The following FCHSD2 variants were observed in gnomAD, a reference collection of about 807,000 sequenced individuals.
FCHSD2 encodes F-BAR and double SH3 domains protein 2.
Under a neutral mutation model 108.1 loss-of-function variants are expected in FCHSD2, and 38 were observed. The ratio of observed to expected loss-of-function variants is 0.35; its 90% CI spans 0.27 to 0.46. FCHSD2 has a LOEUF of 0.46. Ranked by LOEUF, FCHSD2 falls within the 20% of genes least tolerant of loss-of-function variation. The pLI is 1.00. For missense variants in FCHSD2, 751 were observed against 897.8 expected, an observed-to-expected ratio of 0.84 and a Z score of 2.09; for synonymous variants, 279 against 314.7, an observed-to-expected ratio of 0.89 and a Z score of 1.20.
chr11:73,068,965 T>C (rs1014968859), intron 3 of FCHSD2, among the ~76,000 whole-genome samples: 1 of 147,020 alleles, frequency 6.8e-6, no homozygotes, highest in African/African-American at 2.5e-5. Flanking sequence ...CAGTGAGTCA[T>C]GACTTCGCCA....
chr11:72,992,889 A>C lies in FCHSD2; in HGVS notation c.388-3792T>G, dbSNP rs1339735536. ...TAAAACACGAAAAGCAATGGCAACAAAAGCCAAAATTGACAAATAGGATCT... is the reference window on the plus strand; with the variant it reads ...TAAAACACGAAAAGCAATGGCAACACAAGCCAAAATTGACAAATAGGATCT... On this transcript the variant is annotated intron_variant, in intron 5 of 19. Coordinates refer to ENST00000409418, the MANE Select transcript of FCHSD2 (RefSeq NM_014824.3). 2.0e-5 allele frequency among the ~76,000 whole-genome samples: 3 copies of C among 152,264 alleles called. No homozygotes were observed. In the South Asian group the frequency reaches 6.2e-4, roughly 32 times the overall value.
At chr11:72,946,044 G>A (rs1317419519) in intron 8 of FCHSD2, among the ~76,000 whole-genome samples, 6 of 152,222 alleles carry the variant, frequency 3.9e-5, no homozygotes, top group South Asian at 2.1e-4. Context: ...TTCCATTACC[G>A]AGTATATACT....
In FCHSD2 at chr11:72,902,561, C is replaced by A. The variant is rs76555174; in HGVS notation, c.906G>T (p.Gln302His). 1.9e-6 allele frequency: 3 copies of A among 1,584,078 alleles called. No homozygotes were observed. Among genetic ancestry groups the A allele is most frequent in the Non-Finnish European group, 2.6e-6 (3 of 1,163,910 alleles). The change falls in exon 10 of 20, where the codon CAG (glutamine) becomes CAT (histidine). Residue 302 changes from glutamine (Q) to histidine (H), a missense_variant. Transcript: ENST00000409418. ...VFHKPQPFQF[Q>H]PCDSDTSRQL... is the part of the protein sequence containing the mutation. ...CCCTTACAGTATCACTGTCACAAGGCTGGAACTGGAAGGGCTGGGGTTTGT... is the reference window on the plus strand; with the variant it reads ...CCCTTACAGTATCACTGTCACAAGGATGGAACTGGAAGGGCTGGGGTTTGT...
Position 73,142,108 on chromosome 11 carries a change from G to T in FCHSD2, c.-231C>A. ...AGCACCGGGAAGGCTTGGGGCCCGG[G>T]CGGCCCGGGCGGCCCGGGGGTGTGT... is the stretch of plus-strand genomic sequence containing the variant. On this transcript the variant is annotated 5_prime_UTR_variant, in exon 1 of 20. Transcript: ENST00000409418. 1 of 430,378 alleles carries T rather than the reference G, an allele frequency of 2.3e-6. No homozygotes were observed. The highest frequency in any genetic ancestry group is 4.1e-6 in the Non-Finnish European group (1 of 241,298). The allele number at this position is 430,378 out of a possible 1,614,324, so 26.7% of individuals were successfully genotyped here. A position where few individuals can be genotyped will look rare whatever the true frequency, so the allele number is the denominator to read the frequency against.
At chr11:73,134,569 G>C (rs1861078905) in intron 2 of FCHSD2, among the ~76,000 whole-genome samples, 1 of 152,204 alleles carries the variant, frequency 6.6e-6, no homozygotes, top group East Asian at 1.9e-4. Context: ...ATACAGTACA[G>C]TAATTCCTCA....
At chr11:73,113,284 T>C (rs1174282091) in intron 2 of FCHSD2, among the ~76,000 whole-genome samples, 3 of 150,566 alleles carry the variant, frequency 2.0e-5, no homozygotes, top group Non-Finnish European at 3.0e-5. Flanking sequence ...AAAGGTCACA[T>C]AGCTCTGTTT....
At chr11:72,922,914 A>C (rs1259579424) in intron 8 of FCHSD2, among the ~76,000 whole-genome samples, 1 of 152,138 alleles carries the variant, frequency 6.6e-6, no homozygotes, top group Non-Finnish European at 1.5e-5. Flanking sequence ...CCACTTCTCC[A>C]AAAACACTGT....
At chr11:72,850,487 G>C (rs1374116131) in intron 13 of FCHSD2, among the ~76,000 whole-genome samples, 1 of 151,720 alleles carries the variant, frequency 6.6e-6, no homozygotes, top group African/African-American at 2.4e-5. Flanking sequence ...CCGAGTAGCT[G>C]GGACTACAGG....
chr11:72,988,277 A>G (rs1857347714), intron 6 of FCHSD2, among the ~76,000 whole-genome samples: 1 of 152,094 alleles, frequency 6.6e-6, no homozygotes, highest in African/African-American at 2.4e-5. Flanking sequence ...GCTTTTTCTC[A>G]TCAACTTTTT....
At chr11:73,046,576 A>C (rs1338457997) in intron 3 of FCHSD2, among the ~76,000 whole-genome samples, 2 of 152,188 alleles carry the variant, frequency 1.3e-5, no homozygotes, top group Non-Finnish European at 2.9e-5. Flanking sequence ...AGCATTTTAA[A>C]TTTTTATTAG....
chr11:73,029,889 A>G (rs1182033540), intron 3 of FCHSD2, among the ~76,000 whole-genome samples: 1 of 152,238 alleles, frequency 6.6e-6, no homozygotes, highest in Non-Finnish European at 1.5e-5. Flanking sequence ...GCTGATCCTC[A>G]GCATGGAGAC....
intron 9 of FCHSD2, among the ~76,000 whole-genome samples, chr11:72,916,465 AC>A (rs150967585): frequency 0.024 from 3,654 of 152,136 alleles, 142 homozygotes; most frequent in African/African-American, 0.084. Context: ...GGTATGCAGC[AC>A]CATGTCTGGC....
chr11:72,880,773 G>A (rs1451551537), intron 12 of FCHSD2, among the ~76,000 whole-genome samples: 20 of 151,434 alleles, frequency 1.3e-4, no homozygotes, highest in Admixed American at 4.6e-4. Context: ...AAACTCAGGT[G>A]GGAGGATCAC....
chr11:72,971,691 A>T (rs1436568628), intron 8 of FCHSD2, among the ~76,000 whole-genome samples: 3 of 152,304 alleles, frequency 2.0e-5, no homozygotes, highest in Admixed American at 2.0e-4. Context: ...ATGACCCTGG[A>T]AGGAGATTCT....
At chr11:72,945,715 C>A (rs1565335830) in intron 8 of FCHSD2, among the ~76,000 whole-genome samples, 1 of 152,126 alleles carries the variant, frequency 6.6e-6, no homozygotes, top group South Asian at 2.1e-4. Flanking sequence ...AAAAAACAAC[C>A]CCATCAAAAA....
intron 4 of FCHSD2, among the ~76,000 whole-genome samples, chr11:73,010,871 G>A (rs543764470): frequency 2.1e-4 from 32 of 152,302 alleles, no homozygotes; most frequent in Admixed American, 1.8e-3. Context: ...AGCTGGGTGG[G>A]TGGGCAGATT....
At chr11:73,106,038 T>C (rs980234194) in intron 2 of FCHSD2, among the ~76,000 whole-genome samples, 3 of 152,250 alleles carry the variant, frequency 2.0e-5, no homozygotes, top group Admixed American at 1.3e-4. Context: ...ATCAGAGAAC[T>C]GGGATGAACT....
chr11:72,949,788 T>C (rs988617020), intron 8 of FCHSD2, among the ~76,000 whole-genome samples: 1 of 152,232 alleles, frequency 6.6e-6, no homozygotes, highest in Non-Finnish European at 1.5e-5. Flanking sequence ...GATGGACATT[T>C]GGGTTGTTTC....
intron 4 of FCHSD2, among the ~76,000 whole-genome samples, chr11:73,010,262 A>C (rs137935783): frequency 1.1e-3 from 167 of 151,908 alleles, no homozygotes; most frequent in African/African-American, 3.8e-3. Flanking sequence ...TCTTTTTTAT[A>C]TCTCTCTTTG....
Sources: allele counts gnomAD v4.1 joint callset (sites outside exome capture counted in the v4.1 genomes callset), GRCh38; gene constraint gnomAD v4.1.1; transcripts MANE v1.5; gene names NCBI Gene and HGNC (gene_info 2026-07-23, HGNC 2026-07-21).